Variants in GDNF observed in about 807,000 individuals in gnomAD.
GDNF encodes glial cell derived neurotrophic factor.
A neutral mutation model predicts 13.7 loss-of-function variants in GDNF; 5 were observed. The ratio of observed to expected loss-of-function variants is 0.36; its 90% CI spans 0.19 to 0.77. The LOEUF (loss-of-function observed/expected upper bound fraction) is 0.77, where lower values mean the gene tolerates loss of function less well. Ranked by LOEUF, GDNF falls within the 30% of genes least tolerant of loss-of-function variation. GDNF has a pLI of 0.51. For missense variants in GDNF, 246 were observed against 274.3 expected, an observed-to-expected ratio of 0.90 and a Z score of 0.73; for synonymous variants, 122 against 112.5, an observed-to-expected ratio of 1.08 and a Z score of -0.53.
At chr5:37,821,706 C>T (rs776169312) in intron 2 of GDNF, among the ~76,000 whole-genome samples, 4 of 152,036 alleles carry the variant, frequency 2.6e-5, no homozygotes, top group Admixed American at 6.5e-5. Flanking sequence ...AACAGTTCAC[C>T]GCAAAGACTT....
At chr5:37,827,728 C>A (rs1391351838) in intron 2 of GDNF, among the ~76,000 whole-genome samples, 1 of 152,122 alleles carries the variant, frequency 6.6e-6, no homozygotes. Flanking sequence ...CCTTTTCTGA[C>A]CAAAAAGCCA....
In GDNF at chr5:37,835,666, G is replaced by T. The variant is rs936854422; in HGVS notation, c.-26-844C>A. 5.2e-6 allele frequency: 8 copies of T among 1,550,034 alleles called. No individual in the cohort carries two copies. In the African/African-American group the frequency reaches 9.6e-5, roughly 19 times the overall value. On this transcript the variant is annotated intron_variant, in intron 1 of 2. Coordinates refer to ENST00000326524, the MANE Select transcript of GDNF (RefSeq NM_000514.4). ...GTTAGGCAAAGACTGCATTTGTCTT[G>T]AAAGTTTTAATCCTCCGTGGTATAC...
chr5:37,836,690 G>A (rs1750719669), intron 1 of GDNF, among the ~76,000 whole-genome samples: 1 of 152,208 alleles, frequency 6.6e-6, no homozygotes, highest in South Asian at 2.1e-4. Flanking sequence ...CAGCTCCCGG[G>A]TGCGTGCGAA....
chr5:37,817,295 C>CG (rs1329003379), intron 2 of GDNF, among the ~76,000 whole-genome samples: 8 of 152,112 alleles, frequency 5.3e-5, no homozygotes, highest in Non-Finnish European at 8.8e-5. Flanking sequence ...AATTTCTAAA[C>CG]GGGGGGAAAA....
chr5:37,825,522 G>A (rs1750280936), intron 2 of GDNF, among the ~76,000 whole-genome samples: 1 of 152,200 alleles, frequency 6.6e-6, no homozygotes, highest in African/African-American at 2.4e-5. Context: ...CACACCAGGA[G>A]GTCTGCTACT....
At chr5:37,828,439 A>G (rs994948083) in intron 2 of GDNF, among the ~76,000 whole-genome samples, 1 of 152,246 alleles carries the variant, frequency 6.6e-6, no homozygotes, top group Non-Finnish European at 1.5e-5. Flanking sequence ...TAAAAGGGCC[A>G]AAAGGAAATT....
Position 37,837,387 on chromosome 5 carries a change from G to A in GDNF, c.-27+2120C>T, listed in dbSNP as rs1332937205. On this transcript the variant is annotated intron_variant, in intron 1 of 2. Transcript: ENST00000326524. The surrounding 1 kb of genome is among the most constrained non-coding windows in gnomAD (Gnocchi z 6.5). ...GCGCACCATTTCTCGTGCCTGGCAAGCTGGTCCCCTTCTGGGTCCGGGACC... is the reference window on the plus strand; with the variant it reads ...GCGCACCATTTCTCGTGCCTGGCAAACTGGTCCCCTTCTGGGTCCGGGACC... Among the ~76,000 whole-genome samples, 1 of 152,210 alleles carries A rather than the reference G, an allele frequency of 6.6e-6. No individual in the cohort carries two copies. Among genetic ancestry groups the A allele is most frequent in the Non-Finnish European group, 1.5e-5 (1 of 68,050 alleles).
Position 37,837,276 on chromosome 5 carries a change from G to A in GDNF, c.-27+2231C>T, listed in dbSNP as rs1750740085. Among the ~76,000 whole-genome samples the A allele has an allele frequency of 6.6e-6, 1 of 152,190 alleles. No homozygotes were observed. Among genetic ancestry groups the A allele is most frequent in the Non-Finnish European group, 1.5e-5 (1 of 68,032 alleles). Reference sequence around the variant, plus strand: ...TCTCCTCAACCATGGGCCTTTGCCCGCGGTGCAAACTGCTTTACGCGCCGC... The same window carrying A: ...TCTCCTCAACCATGGGCCTTTGCCCACGGTGCAAACTGCTTTACGCGCCGC... On this transcript the variant is annotated intron_variant, in intron 1 of 2. Transcript: ENST00000326524. This position sits in a 1 kb window ranked among gnomAD's most constrained non-coding sequence, Gnocchi z 6.5.
At chr5:37,818,652 C>T (rs1474840802) in intron 2 of GDNF, among the ~76,000 whole-genome samples, 2 of 152,230 alleles carry the variant, frequency 1.3e-5, no homozygotes, top group African/African-American at 2.4e-5. Flanking sequence ...AGGGGCAACA[C>T]CATCCCTTGA....
rs369124215 is a variant in GDNF at position 37,816,142 on chromosome 5, A to G, written c.152-7T>C. On this transcript the variant is annotated splice_polypyrimidine_tract_variant and splice_region_variant and intron_variant, in intron 2 of 2. Transcript: ENST00000326524. Reference sequence around the variant, plus strand: ...TAATCCTCTGGCATATTTGCTGTTCAAAAAGAAAAGAGAAAATGGCACATG... The same window carrying G: ...TAATCCTCTGGCATATTTGCTGTTCGAAAAGAAAAGAGAAAATGGCACATG... The G allele has an allele frequency of 8.1e-6, 13 of 1,613,478 alleles. No individual in the cohort carries two copies. The highest frequency in any genetic ancestry group is 1.7e-5 in the Admixed American group (1 of 60,004).
chr5:37,834,495 C>A, intron 2 of GDNF, 151 bp downstream of exon 2: 1 of 687,236 alleles, frequency 1.5e-6, no homozygotes, highest in Non-Finnish European at 2.3e-6. Context: ...AGCCAGGCAC[C>A]CCTGGGGGCT....
Position 37,818,308 on chromosome 5 carries a change from G to A in GDNF, c.152-2173C>T, listed in dbSNP as rs192603403. 2.1e-3 allele frequency among the ~76,000 whole-genome samples: 321 copies of A among 152,256 alleles called. 1 individual carries two copies. Among genetic ancestry groups the A allele is most frequent in the Middle Eastern group, 0.01 (3 of 294 alleles). On this transcript the variant is annotated intron_variant, in intron 2 of 2. Coordinates refer to ENST00000326524, the MANE Select transcript of GDNF (RefSeq NM_000514.4). ...GGGCCCAGTGAGAGGTAATTGAATC[G>A]CAGGGGCAGGTTTTTCCTGTGCTAT... is the stretch of plus-strand genomic sequence containing the variant.
intron 2 of GDNF, chr5:37,824,129 T>G: frequency 3.2e-6 from 2 of 630,314 alleles, no homozygotes; most frequent in Non-Finnish European, 4.0e-6. Context: ...AAGGGCCCTG[T>G]ATCTGCATAT....
At chr5:37,824,965 T>TA (rs1388050960) in intron 2 of GDNF, among the ~76,000 whole-genome samples, 1 of 152,186 alleles carries the variant, frequency 6.6e-6, no homozygotes, top group African/African-American at 2.4e-5. Flanking sequence ...TTTGTTGTTT[T>TA]AAAAAAGCAT....
rs539596970 is a variant in GDNF, at chr5:37,838,604, G to T, written c.-27+903C>A. 6.6e-6 allele frequency among the ~76,000 whole-genome samples: 1 copy of T among 152,190 alleles called. No homozygotes were observed. The highest frequency in any genetic ancestry group is 2.4e-5 in the African/African-American group (1 of 41,440). ...CCTGGCGGCGGATTCTACCAAAGCC[G>T]AAACTAGCTGGGCCCCAGGAAGCTG... On this transcript the variant is annotated intron_variant, in intron 1 of 2. Transcript: ENST00000326524. The surrounding 1 kb of genome is among the most constrained non-coding windows in gnomAD (Gnocchi z 4.1).
intron 2 of GDNF, among the ~76,000 whole-genome samples, chr5:37,826,622 A>G (rs569895280): frequency 1.1e-3 from 161 of 152,306 alleles, no homozygotes; most frequent in Non-Finnish European, 9.1e-4. Flanking sequence ...TGTGTCCACT[A>G]TGGCTTAGAG....
At position 37,815,950 on chromosome 5, in the gene GDNF, C is replaced by T. The variant is rs1459151460; in HGVS notation, c.337G>A (p.Gly113Ser). The change falls in exon 3 of 3, where the codon GGC becomes AGC. Residue 113 changes from glycine to serine, a missense_variant. Physicochemically the swap from Gly to Ser is moderately conservative, Grantham distance 56. Transcript: ENST00000326524. This position sits in a 1 kb window ranked among gnomAD's most constrained non-coding sequence, Gnocchi z 5.0. ...SRGKGRRGQR[G>S]KNRGCVLTAI... Reference sequence around the variant, plus strand: ...GTTAAGACACAACCCCGGTTTTTGCCCCTCTGGCCTCTCCGACCTTTTCCT... The same window carrying T: ...GTTAAGACACAACCCCGGTTTTTGCTCCTCTGGCCTCTCCGACCTTTTCCT... 2 of 1,614,106 alleles carry T rather than the reference C, an allele frequency of 1.2e-6. No individual in the cohort carries two copies. Among genetic ancestry groups the T allele is most frequent in the Non-Finnish European group, 1.7e-6 (2 of 1,180,002 alleles).
intron 2 of GDNF, among the ~76,000 whole-genome samples, chr5:37,825,783 C>T (rs1307025323): frequency 2.0e-5 from 3 of 152,220 alleles, no homozygotes; most frequent in Non-Finnish European, 2.9e-5. Flanking sequence ...AGGTAAAAGG[C>T]ATGTAAGGGT....
In GDNF at chr5:37,834,625, C is replaced by T. The variant is rs555030363; in HGVS notation, c.151+21G>A. ...AGGGGGTCCGCCGGCGGCCCCCCCG[C>T]GGGGAGGGAACGGTTCTTACAGTCA... On this transcript the variant is annotated intron_variant, in intron 2 of 2. Transcript: ENST00000326524. 27 of 1,479,710 alleles carry T rather than the reference C, an allele frequency of 1.8e-5. 1 individual carries two copies. The South Asian group carries it at 3.3e-4, about 18-fold the overall frequency. The allele number at this position is 1,479,710 out of a possible 1,614,324, so 91.7% of individuals were successfully genotyped here. A position where few individuals can be genotyped will look rare whatever the true frequency, so the allele number is the denominator to read the frequency against.
Sources: gnomAD v4.1 joint callset for allele counts (sites outside exome capture counted in the v4.1 genomes callset) on GRCh38, gnomAD v4.1.1 for gene constraint, Gnocchi (gnomAD v3.1) non-coding constraint, MANE v1.5 for transcripts, NCBI Gene and HGNC (gene_info 2026-07-23, HGNC 2026-07-21) for gene names.